The following TPRG1 variants were observed in gnomAD, a reference collection of about 807,000 sequenced individuals.
TPRG1 encodes tumor protein p63-regulated gene 1 protein.
Under a neutral mutation model 29.3 loss-of-function variants are expected in TPRG1, and 29 were observed. The observed-to-expected ratio is 0.99, with a 90% CI of 0.74 to 1.35. TPRG1 has a LOEUF of 1.35. Ranked by LOEUF, TPRG1 falls within the 40% of genes most tolerant of loss-of-function variation. TPRG1 has a pLI of 0.00. For synonymous variants in TPRG1, 130 were observed against 116.8 expected (o/e 1.11, Z -0.73); for missense variants, 327 against 335.0 (o/e 0.98, Z 0.19).
chr3:189,074,824 T>C (rs1717038269), intron 4 of TPRG1, among the ~76,000 whole-genome samples: 1 of 152,182 alleles, frequency 6.6e-6, no homozygotes, highest in South Asian at 2.1e-4. Flanking sequence ...CCTTTTTTTT[T>C]TTCTTGAGAC....
chr3:189,311,832 C>T (rs1448047628), intron 5 of TPRG1, among the ~76,000 whole-genome samples: 1 of 151,880 alleles, frequency 6.6e-6, no homozygotes, highest in African/African-American at 2.4e-5. Flanking sequence ...CACTGAAAGC[C>T]AACAAAACAA....
intron 2 of TPRG1, among the ~76,000 whole-genome samples, chr3:189,001,881 T>C (rs924018954): frequency 6.6e-6 from 1 of 152,334 alleles, no homozygotes; most frequent in Non-Finnish European, 1.5e-5. Context: ...TAATGCATTA[T>C]ATGTGTGTGT....
At chr3:189,318,203 C>CT (rs768626737) in intron 5 of TPRG1, among the ~76,000 whole-genome samples, 2 of 152,106 alleles carry the variant, frequency 1.3e-5, no homozygotes, top group Non-Finnish European at 2.9e-5. Flanking sequence ...TCCTAACATG[C>CT]AGAAGACATT....
chr3:189,129,134 C>T (rs764567037), intron 2 of TPRG1, among the ~76,000 whole-genome samples: 2 of 152,140 alleles, frequency 1.3e-5, no homozygotes, highest in African/African-American at 2.4e-5. Context: ...AATTTTTTCA[C>T]AAATGTCCTT....
intron 1 of TPRG1, among the ~76,000 whole-genome samples, chr3:189,103,788 T>C (rs1719488414): frequency 6.6e-6 from 1 of 152,198 alleles, no homozygotes; most frequent in African/African-American, 2.4e-5. Context: ...ATCCAGCCTC[T>C]GTCTTGTGTC....
chr3:189,217,943 C>G (rs1184043936), intron 3 of TPRG1: 33 of 985,222 alleles, frequency 3.3e-5, no homozygotes, highest in Non-Finnish European at 3.9e-5. Flanking sequence ...CCCAACTCCC[C>G]CAACAGCAAC....
chr3:189,212,451 G>A (rs1291870666), intron 2 of TPRG1, among the ~76,000 whole-genome samples: 1 of 152,104 alleles, frequency 6.6e-6, no homozygotes, highest in Non-Finnish European at 1.5e-5. Flanking sequence ...TATATTAGTT[G>A]TATTGTTATT....
At chr3:189,209,824 A>C (rs1288431084) in intron 2 of TPRG1, among the ~76,000 whole-genome samples, 1 of 152,188 alleles carries the variant, frequency 6.6e-6, no homozygotes, top group East Asian at 1.9e-4. Flanking sequence ...TAAGTTCTCA[A>C]AAGCTTGTGA....
intron 4 of TPRG1, among the ~76,000 whole-genome samples, chr3:189,045,623 A>G (rs1714929004): frequency 6.6e-6 from 1 of 152,262 alleles, no homozygotes; most frequent in Non-Finnish European, 1.5e-5. Flanking sequence ...AGAAGCTGGT[A>G]CAGAATAACT....
At chr3:189,091,197 ATTTG>A (rs1365563518) in intron 4 of TPRG1, among the ~76,000 whole-genome samples, 1 of 152,032 alleles carries the variant, frequency 6.6e-6, no homozygotes, top group East Asian at 1.9e-4. Flanking sequence ...TTCCACTTGT[ATTTG>A]TTCTCTCCAC....
chr3:189,209,572 C>A (rs1179164678), intron 2 of TPRG1, among the ~76,000 whole-genome samples: 1 of 152,038 alleles, frequency 6.6e-6, no homozygotes, highest in African/African-American at 2.4e-5. Context: ...GCTTAACATC[C>A]GTGTTTTAAA....
At chr3:189,219,918 T>A in intron 3 of TPRG1, 1 of 257,904 alleles carries the variant, frequency 3.9e-6, no homozygotes, top group Non-Finnish European at 6.1e-6. Flanking sequence ...TCGGTGTAAT[T>A]AATATGTGAA....
chr3:189,162,447 G>A (rs184927257), intron 5 of TPRG1, among the ~76,000 whole-genome samples: 2 of 152,320 alleles, frequency 1.3e-5, no homozygotes, highest in Admixed American at 1.3e-4. Context: ...TTTAATGACA[G>A]GATAATAATT....
chr3:189,200,472 T>TA (rs1383587975), intron 1 of TPRG1, among the ~76,000 whole-genome samples: 1 of 152,236 alleles, frequency 6.6e-6, no homozygotes, highest in Admixed American at 6.5e-5. Context: ...ATTTTGGGTA[T>TA]ATGCCTTGAG....
At chr3:189,037,604 G>A (rs1378436531) in intron 4 of TPRG1, among the ~76,000 whole-genome samples, 1 of 151,776 alleles carries the variant, frequency 6.6e-6, no homozygotes, top group East Asian at 1.9e-4. Context: ...AGTTAACCTA[G>A]TACTAGTGGG....
intron 5 of TPRG1, among the ~76,000 whole-genome samples, chr3:189,312,126 T>C (rs1228243070): frequency 2.1e-4 from 7 of 34,050 alleles, no homozygotes; most frequent in South Asian, 9.9e-4. Flanking sequence ...TGTTTCTTTC[T>C]TTCTTTCTTT....
chr3:189,223,856 AATTATT>A (rs975157592), intron 3 of TPRG1, among the ~76,000 whole-genome samples: 1 of 152,108 alleles, frequency 6.6e-6, no homozygotes, highest in Non-Finnish European at 1.5e-5. Flanking sequence ...GTTGGCTTTT[AATTATT>A]ATTATTAGTA....
chr3:189,197,157 T>C (rs1306378378), intron 1 of TPRG1, among the ~76,000 whole-genome samples: 1 of 152,220 alleles, frequency 6.6e-6, no homozygotes, highest in African/African-American at 2.4e-5. Flanking sequence ...CCACCAAGCT[T>C]CTGAATCAGC....
intron 3 of TPRG1, among the ~76,000 whole-genome samples, chr3:189,011,501 A>C (rs560796219): frequency 6.6e-6 from 1 of 152,332 alleles, no homozygotes; most frequent in Admixed American, 6.5e-5. Context: ...GATGCCTCTC[A>C]ATCATGGCAG....
Sources: allele counts gnomAD v4.1 joint callset (sites outside exome capture counted in the v4.1 genomes callset), GRCh38; gene constraint gnomAD v4.1.1; transcripts MANE v1.5; gene names NCBI Gene and HGNC (gene_info 2026-07-23, HGNC 2026-07-21).